RALYL: variants seen among roughly 807,000 people sequenced by gnomAD.
The protein encoded by RALYL is RNA-binding Raly-like protein.
In RALYL, 29 loss-of-function variants were observed where a neutral mutation model predicts 35.1. The ratio of observed to expected loss-of-function variants is 0.83; its 90% CI spans 0.61 to 1.13. The LOEUF is 1.13. Among genes scored for constraint, RALYL ranks in the 50% most tolerant of loss-of-function variants. The pLI, the probability that RALYL is intolerant of heterozygous loss-of-function variation, is 0.00. For synonymous variants in RALYL, 120 were observed against 127.6 expected (o/e 0.94, Z 0.40); for missense variants, 359 against 360.4 (o/e 1.00, Z 0.03).
At chr8:84,308,482 C>T (rs912744439) in intron 1 of RALYL, among the ~76,000 whole-genome samples, 4 of 151,148 alleles carry the variant, frequency 2.6e-5, no homozygotes, top group Non-Finnish European at 5.9e-5. Flanking sequence ...ACCAAATGAC[C>T]CACAAACAGA....
At chr8:84,468,348 A>C (rs1168369597) in intron 1 of RALYL, among the ~76,000 whole-genome samples, 1 of 151,876 alleles carries the variant, frequency 6.6e-6, no homozygotes, top group African/African-American at 2.4e-5. Context: ...GGTGGTGACA[A>C]AATCTCTCAG....
chr8:84,197,985 C>A (rs1815807095), intron 1 of RALYL, among the ~76,000 whole-genome samples: 1 of 151,994 alleles, frequency 6.6e-6, no homozygotes, highest in Admixed American at 6.6e-5. Flanking sequence ...CTCAATAAAC[C>A]TTTTTGAATT....
intron 2 of RALYL, among the ~76,000 whole-genome samples, chr8:84,682,049 AG>A (rs1835656479): frequency 1.3e-5 from 2 of 152,180 alleles, no homozygotes; most frequent in South Asian, 2.1e-4. Context: ...TTTAGCATGA[AG>A]GGCTGTTGGA....
chr8:84,467,323 A>G (rs2051851560), intron 1 of RALYL, among the ~76,000 whole-genome samples: 1 of 151,270 alleles, frequency 6.6e-6, no homozygotes, highest in Admixed American at 6.6e-5. Flanking sequence ...AATGCGTCCC[A>G]GAGATTCTGG....
chr8:84,630,977 T>A (rs1164130701), intron 2 of RALYL, among the ~76,000 whole-genome samples: 7 of 152,104 alleles, frequency 4.6e-5, no homozygotes, highest in South Asian at 2.1e-4. Flanking sequence ...ATGCATTGCA[T>A]GAACAACAGA....
rs947323978 is a variant in RALYL at position 84,569,800 on chromosome 8, C to T, written c.256+40223C>T. 7.9e-5 allele frequency among the ~76,000 whole-genome samples: 12 copies of T among 151,926 alleles called. No individual in the cohort carries two copies. In the East Asian group the frequency reaches 2.3e-3, roughly 29 times the overall value. On this transcript the variant is annotated intron_variant, in intron 2 of 8. Coordinates refer to ENST00000521268, the MANE Select transcript of RALYL (RefSeq NM_173848.7). ...ACAGGAGTCCAGTTTCATTTATTTG[C>T]ATATGGCTAGCCAACTTCCCCAACA... is the stretch of plus-strand genomic sequence containing the variant.
chr8:84,682,987 A>G (rs773474965), intron 2 of RALYL, among the ~76,000 whole-genome samples: 1 of 152,278 alleles, frequency 6.6e-6, no homozygotes, highest in African/African-American at 2.4e-5. Context: ...TTAGTGCTAT[A>G]AATTTCCCTC....
At chr8:84,450,004 G>A (rs532996026) in intron 1 of RALYL, among the ~76,000 whole-genome samples, 15 of 151,110 alleles carry the variant, frequency 9.9e-5, no homozygotes, top group South Asian at 2.1e-4. Context: ...CATAGAAGGC[G>A]TTCAGAAAAA....
chr8:84,698,994 A>G (rs1180610295), intron 2 of RALYL, among the ~76,000 whole-genome samples: 2 of 143,608 alleles, frequency 1.4e-5, no homozygotes, highest in African/African-American at 2.6e-5. Context: ...GGCTTTTAAG[A>G]TAGGTAGGTA....
intron 4 of RALYL, among the ~76,000 whole-genome samples, chr8:84,808,767 A>G (rs528912941): frequency 7.9e-5 from 12 of 152,108 alleles, no homozygotes; most frequent in Admixed American, 2.6e-4. Flanking sequence ...TTTTGCAGCC[A>G]TCGTAAAGTG....
At chr8:84,197,756 C>T (rs917079061) in intron 1 of RALYL, among the ~76,000 whole-genome samples, 2 of 150,342 alleles carry the variant, frequency 1.3e-5, no homozygotes, top group Non-Finnish European at 3.0e-5. Context: ...TAGCGAGACC[C>T]CATTCTCCAG....
intron 1 of RALYL, among the ~76,000 whole-genome samples, chr8:84,509,776 G>C (rs1217625567): frequency 6.6e-6 from 1 of 152,100 alleles, no homozygotes; most frequent in Non-Finnish European, 1.5e-5. Context: ...AAAAGACTAT[G>C]TTATGGTCTA....
intron 1 of RALYL, among the ~76,000 whole-genome samples, chr8:84,270,929 G>A (rs1424732988): frequency 6.6e-6 from 1 of 152,012 alleles, no homozygotes; most frequent in Non-Finnish European, 1.5e-5. Flanking sequence ...AATCCCATGT[G>A]CAATAACATC....
In RALYL at chr8:84,887,670, C is replaced by T; in HGVS notation, c.752C>T (p.Ala251Val). The change falls in exon 8 of 9, where the codon GCA becomes GTA. Residue 251 changes from alanine to valine, a missense_variant. Physicochemically the swap from Ala to Val is moderately conservative, Grantham distance 64. Coordinates refer to ENST00000521268, the MANE Select transcript of RALYL (RefSeq NM_173848.7). ...CAAGAGGAATGTGTGTCAGAGATTG[C>T]AGATCACTCTACAGAGGAGCCTGCT... ...LIQEECVSEI[A>V]DHSTEEPAEG... 6.2e-7 allele frequency: 1 copy of T among 1,613,268 alleles called. No individual in the cohort carries two copies.
chr8:84,442,250 A>G (rs1156678106), intron 1 of RALYL, among the ~76,000 whole-genome samples: 1 of 152,184 alleles, frequency 6.6e-6, no homozygotes, highest in Non-Finnish European at 1.5e-5. Flanking sequence ...CATCACTGTA[A>G]TAACATAGCT....
At chr8:84,698,915 G>C (rs1452096533) in intron 2 of RALYL, among the ~76,000 whole-genome samples, 6 of 152,076 alleles carry the variant, frequency 3.9e-5, no homozygotes, top group Non-Finnish European at 8.8e-5. Flanking sequence ...TGGCCACTGA[G>C]GAAGGACGCA....
intron 1 of RALYL, among the ~76,000 whole-genome samples, chr8:84,213,161 C>G (rs996687799): frequency 6.6e-6 from 1 of 152,070 alleles, no homozygotes; most frequent in African/African-American, 2.4e-5. Context: ...GAGGCCGAGG[C>G]GGGCGGGTCA....
chr8:84,430,829 C>A (rs1054175885), intron 1 of RALYL, among the ~76,000 whole-genome samples: 3 of 151,922 alleles, frequency 2.0e-5, no homozygotes, highest in Non-Finnish European at 4.4e-5. Context: ...TGTAATATAA[C>A]CTTCAATAGC....
chr8:84,601,711 T>G (rs943330283), intron 2 of RALYL, among the ~76,000 whole-genome samples: 7 of 152,028 alleles, frequency 4.6e-5, no homozygotes, highest in African/African-American at 1.7e-4. Flanking sequence ...CTCCCATGTT[T>G]ATTGTTAGGA....
Sources: gnomAD v4.1 joint callset for allele counts (sites outside exome capture counted in the v4.1 genomes callset) on GRCh38, gnomAD v4.1.1 for gene constraint, MANE v1.5 for transcripts, NCBI Gene and HGNC (gene_info 2026-07-23, HGNC 2026-07-21) for gene names.